LHX6: variants seen among roughly 807,000 people sequenced by gnomAD.
The protein encoded by LHX6 is LIM/homeobox protein Lhx6.
A neutral mutation model predicts 47.1 loss-of-function variants in LHX6; 15 were observed. The observed-to-expected ratio is 0.32, with a 90% confidence interval of 0.21 to 0.49. LHX6 has a LOEUF of 0.49. Ranked by LOEUF, LHX6 falls within the 20% of genes least tolerant of loss-of-function variation. LHX6 has a pLI of 0.99. For missense variants in LHX6, 404 were observed against 539.6 expected (o/e 0.75, Z 2.49); for synonymous variants, 242 against 233.5 (o/e 1.04, Z -0.33).
intron 4 of LHX6, among the ~76,000 whole-genome samples, chr9:122,220,793 C>A (rs1053588667): frequency 6.6e-6 from 1 of 152,224 alleles, no homozygotes; most frequent in East Asian, 1.9e-4. Context: ...CCCTCTACCC[C>A]CTGAAAGGAG....
Position 122,204,508 on chromosome 9 carries a change from T to C in LHX6, c.*252A>G. 2.4e-6 allele frequency: 1 copy of C among 423,250 alleles called. No individual in the cohort carries two copies. Among genetic ancestry groups the C allele is most frequent in the Non-Finnish European group, 4.2e-6 (1 of 238,616 alleles). 26.2% of individuals were successfully genotyped at this position (423,250 alleles called of 1,614,324 possible). ...GTTTAAATGGGAAAAACAGGCTGTTTCCACCCTGATTCCAGATTTCAGGGA... is the reference window on the plus strand; with the variant it reads ...GTTTAAATGGGAAAAACAGGCTGTTCCCACCCTGATTCCAGATTTCAGGGA... On this transcript the variant is annotated 3_prime_UTR_variant, in exon 10 of 10. Coordinates refer to ENST00000394319, the MANE Select transcript of LHX6 (RefSeq NM_014368.5).
Position 122,204,648 on chromosome 9 carries a change from G to C in LHX6, c.*112C>G. 7.6e-7 allele frequency: 1 copy of C among 1,312,886 alleles called. No individual in the cohort carries two copies. 81.3% of individuals were successfully genotyped at this position (1,312,886 alleles called of 1,614,324 possible). On this transcript the variant is annotated 3_prime_UTR_variant, in exon 10 of 10. Transcript: ENST00000394319. ...CCTGGTGGTGGGCAGGATGGCGGAC[G>C]GGGGTGGATGCGGAGGTGGGTGGAC... is the stretch of plus-strand genomic sequence containing the variant.
At chr9:122,228,173 C>G (rs913274671) in intron 1 of LHX6, 31 of 1,267,088 alleles carry the variant, frequency 2.4e-5, no homozygotes, top group Middle Eastern at 1.9e-4. Flanking sequence ...ATTCAGGCGC[C>G]TTTCGAGGGC....
In LHX6 at chr9:122,227,499, G is replaced by GGGGGGGGGGGGGGA; in HGVS notation, c.85-20_85-19insTCCCCCCCCCCCCC. 1.5e-6 allele frequency: 1 copy of GGGGGGGGGGGGGGA among 656,318 alleles called. No homozygotes were observed. Among genetic ancestry groups the GGGGGGGGGGGGGGA allele is most frequent in the Non-Finnish European group, 2.5e-6 (1 of 401,624 alleles). The allele number at this position is 656,318 out of a possible 1,614,324, so 40.7% of individuals were successfully genotyped here. ...CCATCACCTGGGGGAGGGGGGGAGG[G>GGGGGGGGGGGGGGA]AACGCAGGCGGCGGCGGCTGCTGAA... On this transcript the variant is annotated intron_variant, in intron 1 of 9. Coordinates refer to ENST00000394319, the MANE Select transcript of LHX6 (RefSeq NM_014368.5).
chr9:122,204,458 T>C lies in LHX6; in HGVS notation c.*302A>G. 2 of 399,904 alleles carry C rather than the reference T, an allele frequency of 5.0e-6. No individual in the cohort carries two copies. The highest frequency in any genetic ancestry group is 8.8e-6 in the Non-Finnish European group (2 of 226,552). The allele number at this position is 399,904 out of a possible 1,614,324, so 24.8% of individuals were successfully genotyped here. A position where few individuals can be genotyped will look rare whatever the true frequency, so the allele number is the denominator to read the frequency against. On this transcript the variant is annotated 3_prime_UTR_variant, in exon 10 of 10. Transcript: ENST00000394319. Reference sequence around the variant, plus strand: ...TCAATTCCGCCTTTTGTTATTGTAATCAGCTGAAGTTGAAGAGGACTCCTG... The same window carrying C: ...TCAATTCCGCCTTTTGTTATTGTAACCAGCTGAAGTTGAAGAGGACTCCTG...
chr9:122,202,585 AT>A lies in LHX6; in HGVS notation c.*2174del, dbSNP rs1216933231. 9 of 152,626 alleles carry A rather than the reference AT, an allele frequency of 5.9e-5. No individual in the cohort carries two copies. Among genetic ancestry groups the A allele is most frequent in the African/African-American group, 2.2e-4 (9 of 41,430 alleles). The allele number at this position is 152,626 out of a possible 1,614,324, so 9.5% of individuals were successfully genotyped here. A position where few individuals can be genotyped will look rare whatever the true frequency, so the allele number is the denominator to read the frequency against. Reference sequence around the variant, plus strand: ...GAAATGGAATCCCATCATGTTCTGGATTTCAGTGCCAGCACTTCTACTTGCA... The same window carrying A: ...GAAATGGAATCCCATCATGTTCTGGATTCAGTGCCAGCACTTCTACTTGCA... On this transcript the variant is annotated 3_prime_UTR_variant, in exon 10 of 10. Coordinates refer to ENST00000394319, the MANE Select transcript of LHX6 (RefSeq NM_014368.5).
In LHX6 at chr9:122,228,668, C is replaced by T. The variant is rs1433144156; in HGVS notation, c.73G>A (p.Ala25Thr). Reference sequence around the variant, plus strand: ...GTTCGCCGGCTCACCTGGTCGGTGGCGGGGCCGCCCTCGGCCGGCAGCCGG... The same window carrying T: ...GTTCGCCGGCTCACCTGGTCGGTGGTGGGGCCGCCCTCGGCCGGCAGCCGG... ...GCRLPAEGGP[A>T]TDQVMAQPGS... is the part of the protein sequence containing the mutation. The change falls in exon 1 of 10, where the codon GCC (alanine) becomes ACC (threonine). Residue 25 changes from alanine (A) to threonine (T), a missense_variant. Ala to Thr is a moderately conservative substitution (Grantham distance 58). This residue lies in a region of LHX6 where 144 missense variants were observed against 128.7 expected (regional missense o/e 1.12). Coordinates refer to ENST00000394319, the MANE Select transcript of LHX6 (RefSeq NM_014368.5). The T allele has an allele frequency of 4.7e-6, 6 of 1,289,242 alleles. No individual in the cohort carries two copies. Among genetic ancestry groups the T allele is most frequent in the Admixed American group, 4.2e-5 (1 of 23,950 alleles). The allele number at this position is 1,289,242 out of a possible 1,614,324, so 79.9% of individuals were successfully genotyped here.
At chr9:122,207,772 C>T (rs1018327676) in intron 9 of LHX6, among the ~76,000 whole-genome samples, 6 of 152,142 alleles carry the variant, frequency 3.9e-5, no homozygotes, top group Non-Finnish European at 8.8e-5. Flanking sequence ...CCAGAGGTAC[C>T]ATCCTAAAGG....
At chr9:122,210,120 G>A (rs1451374069) in intron 8 of LHX6, among the ~76,000 whole-genome samples, 9 of 152,084 alleles carry the variant, frequency 5.9e-5, no homozygotes, top group South Asian at 2.1e-4. Context: ...GGGTTTCACC[G>A]TGTTAGCCAG....
chr9:122,228,135 C>T, intron 1 of LHX6: 1 of 662,446 alleles, frequency 1.5e-6, no homozygotes, highest in Non-Finnish European at 2.4e-6. Flanking sequence ...ACACGCGCGG[C>T]GAAATTGAAG....
intron 4 of LHX6, among the ~76,000 whole-genome samples, chr9:122,220,241 C>T (rs1830788170): frequency 6.6e-6 from 1 of 152,252 alleles, no homozygotes; most frequent in African/African-American, 2.4e-5. Flanking sequence ...CTTTCTCATG[C>T]TCCGCGTGTC....
intron 4 of LHX6, among the ~76,000 whole-genome samples, chr9:122,222,110 T>C (rs950151049): frequency 3.9e-5 from 6 of 152,218 alleles, no homozygotes; most frequent in Non-Finnish European, 8.8e-5. Context: ...GTGTCCTGTG[T>C]CACTGTAAGC....
At chr9:122,219,257 C>A (rs1394825864) in intron 4 of LHX6, among the ~76,000 whole-genome samples, 1 of 152,226 alleles carries the variant, frequency 6.6e-6, no homozygotes. Context: ...CTGTCTCCAA[C>A]GAGGAGCGCG....
intron 1 of LHX6, chr9:122,227,949 T>TCCGGGGGGGGGCCCCCCCCCCCCCCCCCC: frequency 5.7e-6 from 1 of 176,980 alleles, no homozygotes; most frequent in Non-Finnish European, 1.2e-5. Flanking sequence ...TTTTTCTCTC[T>TCCGGGGGGGGGCCCCCCCCCCCCCCCCCC]CCACCCGCCC....
rs758032415 is a variant in LHX6 at position 122,214,022 on chromosome 9, C to T, written c.831G>A (p.Thr277=). 8 of 1,602,364 alleles carry T rather than the reference C, an allele frequency of 5.0e-6. 1 individual carries two copies. Among genetic ancestry groups the T allele is most frequent in the Admixed American group, 3.3e-5 (2 of 59,974 alleles). Residue 277 remains threonine, a synonymous_variant, in exon 7 of 10, where the codon ACG becomes ACA. Transcript: ENST00000394319. This position sits in a 1 kb window ranked among gnomAD's most constrained non-coding sequence, Gnocchi z 4.6. ...CCGTCATGTCCGCCAGCTTCTGCAG[C>T]GTCTGAGCGTCGGGGTTGTTGTCCT... ...FAQDNNPDAQ[T]LQKLADMTGL...
chr9:122,217,079 G>A lies in LHX6; in HGVS notation c.671C>T (p.Ala224Val). 6.2e-7 allele frequency: 1 copy of A among 1,614,070 alleles called. No individual in the cohort carries two copies. The highest frequency in any genetic ancestry group is 1.3e-5 in the African/African-American group (1 of 75,046). The change falls in exon 5 of 10, where the codon GCC (alanine) becomes GTC (valine). Residue 224 changes from alanine to valine, a missense_variant. By Grantham distance (64) the Ala-to-Val change is moderately conservative. This residue lies in a region of LHX6 where 43 missense variants were observed against 84.7 expected (regional missense o/e 0.51). Coordinates refer to ENST00000394319, the MANE Select transcript of LHX6 (RefSeq NM_014368.5). This position sits in a 1 kb window ranked among gnomAD's most constrained non-coding sequence, Gnocchi z 4.9. ...AGCAGGTTGGGTACCGTTCTCGGCG[G>A]CCCTCTTGAGGTTCTCAATCATGGT... ...YDTMIENLKRAAENGNGLTLE... is the reference protein window; with the variant it reads ...YDTMIENLKRVAENGNGLTLE...
At position 122,226,179 on chromosome 9, in the gene LHX6, T is replaced by A. The variant is rs1437854884; in HGVS notation, c.461+197A>T. ...CGAAGGCAGATCCGGGGCGCAAACC[T>A]GTGCAGGCACTGGCGCGCTGCCTGG... is the stretch of plus-strand genomic sequence containing the variant. On this transcript the variant is annotated intron_variant, in intron 4 of 9. Coordinates refer to ENST00000394319, the MANE Select transcript of LHX6 (RefSeq NM_014368.5). This position sits in a 1 kb window ranked among gnomAD's most constrained non-coding sequence, Gnocchi z 6.5. 6.6e-6 allele frequency among the ~76,000 whole-genome samples: 1 copy of A among 152,172 alleles called. No homozygotes were observed. The highest frequency in any genetic ancestry group is 6.5e-5 in the Admixed American group (1 of 15,284).
At chr9:122,208,445 T>C (rs755305355) in intron 9 of LHX6, among the ~76,000 whole-genome samples, 3 of 152,220 alleles carry the variant, frequency 2.0e-5, no homozygotes, top group Admixed American at 6.5e-5. Context: ...GACCACACTT[T>C]ACTTGTTTCC....
chr9:122,221,773 G>T (rs767958414), intron 4 of LHX6: 225 of 974,772 alleles, frequency 2.3e-4, no homozygotes, highest in Non-Finnish European at 2.7e-4. Flanking sequence ...ACCAAACTGG[G>T]CAGGGACTCT....
Sources: gnomAD v4.1 joint callset for allele counts (sites outside exome capture counted in the v4.1 genomes callset) on GRCh38, gnomAD v4.1.1 for gene constraint, gnomAD v4.1.1 regional missense constraint, Gnocchi (gnomAD v3.1) non-coding constraint, MANE v1.5 for transcripts, NCBI Gene and HGNC (gene_info 2026-07-23, HGNC 2026-07-21) for gene names.